The following KCNB2 variants were observed in gnomAD, a reference collection of about 807,000 sequenced individuals.
The protein encoded by KCNB2 is potassium voltage-gated channel subfamily B member 2, also known as delayed rectifier potassium channel protein.
KCNB2 carries 15 observed loss-of-function variants against 61.5 expected under a neutral mutation model. The observed-to-expected ratio is 0.24, with a 90% CI of 0.16 to 0.38. The LOEUF (loss-of-function observed/expected upper bound fraction) is 0.38. KCNB2 is among the 10% of genes least tolerant of loss of function. The pLI is 1.00. For missense variants in KCNB2, 828 were observed against 1,125.2 expected (o/e 0.74, Z 3.78); for synonymous variants, 457 against 446.0 (o/e 1.02, Z -0.31).
intron 2 of KCNB2, among the ~76,000 whole-genome samples, chr8:72,603,039 T>A (rs1805379052): frequency 6.6e-6 from 1 of 152,070 alleles, no homozygotes; most frequent in African/African-American, 2.4e-5. Flanking sequence ...GCCAGTGAAA[T>A]TATCATCTTG....
At chr8:72,887,742 C>T (rs1805829424) in intron 2 of KCNB2, among the ~76,000 whole-genome samples, 1 of 152,200 alleles carries the variant, frequency 6.6e-6, no homozygotes, top group Non-Finnish European at 1.5e-5. Flanking sequence ...TCCTGCCATT[C>T]CCAGGTGGGA....
chr8:72,642,631 G>C (rs1294244968), intron 2 of KCNB2, among the ~76,000 whole-genome samples: 1 of 152,066 alleles, frequency 6.6e-6, no homozygotes, highest in Non-Finnish European at 1.5e-5. Context: ...GTCACCCACC[G>C]AAAGCCCACC....
chr8:72,693,501 C>T (rs2128990318), intron 2 of KCNB2, among the ~76,000 whole-genome samples: 1 of 152,192 alleles, frequency 6.6e-6, no homozygotes, highest in Non-Finnish European at 1.5e-5. Context: ...CCTGCACGTC[C>T]ACCTCACAGC....
At chr8:72,828,177 T>A (rs1809630110) in intron 2 of KCNB2, among the ~76,000 whole-genome samples, 1 of 152,108 alleles carries the variant, frequency 6.6e-6, no homozygotes, top group Admixed American at 6.6e-5. Context: ...ATCAAAAAAA[T>A]AATAATCAAA....
intron 1 of KCNB2, among the ~76,000 whole-genome samples, chr8:72,553,966 T>C (rs1312873303): frequency 6.6e-6 from 1 of 152,130 alleles, no homozygotes; most frequent in Non-Finnish European, 1.5e-5. Context: ...CTAAGACTAT[T>C]GTGTCCATAA....
intron 1 of KCNB2, among the ~76,000 whole-genome samples, chr8:72,566,668 T>G (rs1806629659): frequency 6.8e-6 from 1 of 148,116 alleles, no homozygotes; most frequent in Non-Finnish European, 1.5e-5. Flanking sequence ...GATTGTGCAG[T>G]GAGCTGAGAT....
chr8:72,565,377 A>C (rs1806608463), intron 1 of KCNB2, among the ~76,000 whole-genome samples: 1 of 152,150 alleles, frequency 6.6e-6, no homozygotes, highest in Non-Finnish European at 1.5e-5. Flanking sequence ...CCTAGAAGAG[A>C]GTTCTAATTA....
chr8:72,906,544 G>T (rs997520653), intron 2 of KCNB2, among the ~76,000 whole-genome samples: 14 of 152,308 alleles, frequency 9.2e-5, no homozygotes, highest in African/African-American at 3.4e-4. Flanking sequence ...AAAGAAAGCT[G>T]CTTTGGTGAT....
At chr8:72,742,035 G>A (rs563537620) in intron 2 of KCNB2, among the ~76,000 whole-genome samples, 1 of 152,192 alleles carries the variant, frequency 6.6e-6, no homozygotes, top group South Asian at 2.1e-4. Flanking sequence ...AAAGACACTT[G>A]CATGTGCATG....
chr8:72,802,642 G>A lies in KCNB2; in HGVS notation c.580-133293G>A, dbSNP rs77936937. Among the ~76,000 whole-genome samples the A allele has an allele frequency of 6.3e-3, 959 of 152,186 alleles. 6 individuals are homozygous for A. The highest frequency in any genetic ancestry group is 0.021 in the African/African-American group (885 of 41,494). ...CTGGGGATGACAATATTGAAAGTCT[G>A]CAACTAAAAGCTACTCTGAAGCCTG... is the stretch of plus-strand genomic sequence containing the variant. On this transcript the variant is annotated intron_variant, in intron 2 of 2. Coordinates refer to ENST00000523207, the MANE Select transcript of KCNB2 (RefSeq NM_004770.3).
intron 2 of KCNB2, among the ~76,000 whole-genome samples, chr8:72,868,056 G>T (rs1448337265): frequency 2.6e-4 from 38 of 143,760 alleles, no homozygotes; most frequent in African/African-American, 7.9e-4. Flanking sequence ...TTGATTTTGG[G>T]TTTTTTTTTT....
At chr8:72,562,067 C>T (rs539969621) in intron 1 of KCNB2, among the ~76,000 whole-genome samples, 26 of 151,776 alleles carry the variant, frequency 1.7e-4, no homozygotes, top group Non-Finnish European at 3.8e-4. Flanking sequence ...TGGAGTGATA[C>T]AGACTTAAAG....
chr8:72,728,105 G>A (rs1382760139), intron 2 of KCNB2, among the ~76,000 whole-genome samples: 1 of 152,138 alleles, frequency 6.6e-6, no homozygotes, highest in Non-Finnish European at 1.5e-5. Flanking sequence ...ATGAAACCTT[G>A]CAGAAGAATG....
intron 2 of KCNB2, among the ~76,000 whole-genome samples, chr8:72,824,271 A>C (rs192126161): frequency 3.9e-5 from 6 of 152,212 alleles, no homozygotes; most frequent in African/African-American, 1.4e-4. Context: ...AGGGAGTAAG[A>C]CTGCTCTTAT....
At chr8:72,900,089 T>C (rs145814831) in intron 2 of KCNB2, among the ~76,000 whole-genome samples, 1 of 152,110 alleles carries the variant, frequency 6.6e-6, no homozygotes, top group Non-Finnish European at 1.5e-5. Flanking sequence ...GCTACCTGAC[T>C]TCAAACTATA....
chr8:72,605,557 G>A (rs1805432165), intron 2 of KCNB2, among the ~76,000 whole-genome samples: 1 of 152,114 alleles, frequency 6.6e-6, no homozygotes, highest in African/African-American at 2.4e-5. Flanking sequence ...TAAGTCATTA[G>A]CAAGGAAAGG....
At chr8:72,829,945 A>G (rs1809663465) in intron 2 of KCNB2, among the ~76,000 whole-genome samples, 1 of 151,608 alleles carries the variant, frequency 6.6e-6, no homozygotes, top group Non-Finnish European at 1.5e-5. Context: ...AAGGGTAGTA[A>G]GAAGGGAAAA....
At chr8:72,700,823 T>C (rs1807109154) in intron 2 of KCNB2, among the ~76,000 whole-genome samples, 1 of 152,048 alleles carries the variant, frequency 6.6e-6, no homozygotes, top group Non-Finnish European at 1.5e-5. Flanking sequence ...AACAAAGATA[T>C]GAAATCAACC....
chr8:72,559,423 G>A (rs1806477555), intron 1 of KCNB2, among the ~76,000 whole-genome samples: 1 of 152,144 alleles, frequency 6.6e-6, no homozygotes. Context: ...GGGATTACAG[G>A]TGTGAGCCAC....
Sources: allele counts gnomAD v4.1 joint callset (sites outside exome capture counted in the v4.1 genomes callset), GRCh38; gene constraint gnomAD v4.1.1; transcripts MANE v1.5; gene names NCBI Gene and HGNC (gene_info 2026-07-23, HGNC 2026-07-21).